The following WASF3 variants were observed in gnomAD, a reference collection of about 807,000 sequenced individuals.
The protein encoded by WASF3 is actin-binding protein WASF3.
WASF3 carries 11 observed loss-of-function variants against 46.6 expected under a neutral mutation model. The observed-to-expected ratio is 0.24, with a 90% CI of 0.15 to 0.39. The LOEUF (loss-of-function observed/expected upper bound fraction) is 0.39, where lower values mean the gene tolerates loss of function less well. Among genes scored for constraint, WASF3 ranks in the 10% least tolerant of loss-of-function variants. The pLI, the probability that WASF3 is intolerant of heterozygous loss-of-function variation, is 1.00. For missense variants in WASF3, 576 were observed against 669.8 expected, an observed-to-expected ratio of 0.86 and a Z score of 1.55; for synonymous variants, 242 against 259.7, an observed-to-expected ratio of 0.93 and a Z score of 0.65.
chr13:26,678,552 C>T (rs1006771250), intron 7 of WASF3, among the ~76,000 whole-genome samples: 2 of 152,024 alleles, frequency 1.3e-5, no homozygotes, highest in African/African-American at 4.8e-5. Flanking sequence ...ATTGTATCCG[C>T]TCATCTGAGT....
Position 26,614,077 on chromosome 13 carries a change from T to C in WASF3, c.-11+1019T>C, listed in dbSNP as rs374984127. Among the ~76,000 whole-genome samples, 384 of 152,316 alleles carry C rather than the reference T, an allele frequency of 2.5e-3. 2 individuals carry two copies. The highest frequency in any genetic ancestry group is 8.7e-3 in the African/African-American group (363 of 41,566). On this transcript the variant is annotated intron_variant, in intron 2 of 9. Transcript: ENST00000335327. ...ATATGGAATTTTCCTTTTCTTTCTT[T>C]CTTTTTTCTTTTGGAAGGATAGGGA...
At chr13:26,635,238 A>G (rs1000508352) in intron 2 of WASF3, among the ~76,000 whole-genome samples, 4 of 151,798 alleles carry the variant, frequency 2.6e-5, no homozygotes, top group African/African-American at 9.7e-5. Context: ...CATTATTTTG[A>G]TCTTCAATCA....
intron 1 of WASF3, among the ~76,000 whole-genome samples, chr13:26,569,754 T>C (rs2137151408): frequency 6.6e-6 from 1 of 152,292 alleles, no homozygotes; most frequent in South Asian, 2.1e-4. Context: ...AGAGAACATC[T>C]GCAGTACTAG....
intron 1 of WASF3, among the ~76,000 whole-genome samples, chr13:26,597,889 A>C (rs891699248): frequency 6.6e-6 from 1 of 152,086 alleles, no homozygotes; most frequent in South Asian, 2.1e-4. Flanking sequence ...GCCTGGTTCC[A>C]AGTCTTTGCT....
chr13:26,598,648 A>G (rs1880548932), intron 1 of WASF3, among the ~76,000 whole-genome samples: 1 of 152,178 alleles, frequency 6.6e-6, no homozygotes, highest in South Asian at 2.1e-4. Context: ...GAGTGGGATC[A>G]CGAGTTTGTT....
At chr13:26,577,353 A>G (rs2137162709) in intron 1 of WASF3, 1 of 764,284 alleles carries the variant, frequency 1.3e-6, no homozygotes, top group East Asian at 2.4e-5. Context: ...TTTTATGCTC[A>G]GCACCAACAG....
At chr13:26,594,356 A>G (rs1178477045) in intron 1 of WASF3, among the ~76,000 whole-genome samples, 1 of 152,178 alleles carries the variant, frequency 6.6e-6, no homozygotes, top group Non-Finnish European at 1.5e-5. Flanking sequence ...TTTTTCCATC[A>G]AAACCTGCTC....
chr13:26,590,633 T>C (rs1880262175), intron 1 of WASF3, among the ~76,000 whole-genome samples: 1 of 152,186 alleles, frequency 6.6e-6, no homozygotes, highest in African/African-American at 2.4e-5. Context: ...CAAATCAATA[T>C]GTCAAAAGTC....
chr13:26,560,496 C>A (rs1025568259), intron 1 of WASF3, among the ~76,000 whole-genome samples: 3 of 152,020 alleles, frequency 2.0e-5, no homozygotes, highest in Non-Finnish European at 4.4e-5. Context: ...AAATATATAA[C>A]CCTGTATGTT....
Position 26,682,596 on chromosome 13 carries a change from A to G in WASF3, c.984-11A>G. The G allele has an allele frequency of 6.2e-7, 1 of 1,613,992 alleles. No individual in the cohort carries two copies. The highest frequency in any genetic ancestry group is 1.3e-5 in the African/African-American group (1 of 75,016). On this transcript the variant is annotated splice_polypyrimidine_tract_variant and intron_variant, in intron 8 of 9. Transcript: ENST00000335327. The surrounding 1 kb of genome is among the most constrained non-coding windows in gnomAD (Gnocchi z 4.4). Reference sequence around the variant, plus strand: ...TTCCCTTGGTGACTATGTGCCTCATATCTCTCTCAGGATGCTCCCAGCGCA... The same window carrying G: ...TTCCCTTGGTGACTATGTGCCTCATGTCTCTCTCAGGATGCTCCCAGCGCA...
chr13:26,598,037 C>T, intron 1 of WASF3, among the ~76,000 whole-genome samples: 1 of 152,158 alleles, frequency 6.6e-6, no homozygotes, highest in Non-Finnish European at 1.5e-5. Flanking sequence ...TGAGGAATCG[C>T]CACACTGACT....
intron 1 of WASF3, among the ~76,000 whole-genome samples, chr13:26,575,926 T>A (rs906990162): frequency 2.0e-5 from 3 of 152,172 alleles, no homozygotes; most frequent in African/African-American, 7.2e-5. Flanking sequence ...GGTAGTTTGT[T>A]CTTGGTCAGT....
chr13:26,549,271 C>T, the WASF3 span, among the ~76,000 whole-genome samples: 17,002 of 152,084 alleles, frequency 0.11, 1,212 homozygotes, highest in South Asian at 0.23. Flanking sequence ...TGAGCCACTG[C>T]GCCTAGCCAA....
At chr13:26,580,759 G>A (rs1278964652) in intron 1 of WASF3, among the ~76,000 whole-genome samples, 1 of 151,550 alleles carries the variant, frequency 6.6e-6, no homozygotes, top group Non-Finnish European at 1.5e-5. Flanking sequence ...CCGAGTAGCT[G>A]GGATTACAGG....
chr13:26,572,023 CTAGTTTGTTTACTT>C (rs1348990040), intron 1 of WASF3, among the ~76,000 whole-genome samples: 3 of 152,286 alleles, frequency 2.0e-5, no homozygotes, highest in Middle Eastern at 6.8e-3. Context: ...TATGTGAAGA[CTAGTTTGTTTACTT>C]TATATCTTGC....
At chr13:26,668,284 C>T (rs1445763340) in intron 5 of WASF3, among the ~76,000 whole-genome samples, 3 of 152,194 alleles carry the variant, frequency 2.0e-5, no homozygotes, top group Non-Finnish European at 4.4e-5. Context: ...CCCCTCCTGC[C>T]TTCTCCCAGC....
At chr13:26,577,164 CA>C (rs2137162336) in intron 1 of WASF3, 1 of 759,076 alleles carries the variant, frequency 1.3e-6, no homozygotes, top group Non-Finnish European at 2.4e-6. Context: ...ATGTTCAGGG[CA>C]AAAACTTCCT....
At chr13:26,661,238 T>C (rs1882621130) in intron 3 of WASF3, among the ~76,000 whole-genome samples, 1 of 152,240 alleles carries the variant, frequency 6.6e-6, no homozygotes, top group Non-Finnish European at 1.5e-5. Context: ...GTTGTCATCC[T>C]GCAGAAGCAA....
At chr13:26,642,654 A>G (rs1044538530) in intron 3 of WASF3, among the ~76,000 whole-genome samples, 1 of 152,244 alleles carries the variant, frequency 6.6e-6, no homozygotes, top group Non-Finnish European at 1.5e-5. Flanking sequence ...CAGATTTAAA[A>G]TAGTGTTAAT....
Sources: allele counts gnomAD v4.1 joint callset (sites outside exome capture counted in the v4.1 genomes callset), GRCh38; gene constraint gnomAD v4.1.1; non-coding constraint Gnocchi (gnomAD v3.1); transcripts MANE v1.5; gene names NCBI Gene and HGNC (gene_info 2026-07-23, HGNC 2026-07-21).